The following RARB variants were observed in gnomAD, a reference collection of about 807,000 sequenced individuals.
The protein encoded by RARB is HBV-activated protein.
A neutral mutation model predicts 51.9 loss-of-function variants in RARB; 17 were observed. That is an observed-to-expected ratio of 0.33 (90% CI 0.22 to 0.49). The LOEUF (loss-of-function observed/expected upper bound fraction) is 0.49. RARB is among the 20% of genes least tolerant of loss of function. RARB has a pLI of 0.99. For synonymous variants in RARB, 215 were observed against 195.4 expected (o/e 1.10, Z -0.84); for missense variants, 369 against 550.8 (o/e 0.67, Z 3.30).
intron 5 of RARB, among the ~76,000 whole-genome samples, chr3:25,337,103 G>C (rs769028319): frequency 6.6e-6 from 1 of 152,136 alleles, no homozygotes; most frequent in African/African-American, 2.4e-5. Context: ...TGAAAAGTGA[G>C]AGATTTGAGG....
chr3:24,886,588 G>A (rs1703271046), intron 2 of RARB, among the ~76,000 whole-genome samples: 1 of 151,776 alleles, frequency 6.6e-6, no homozygotes, highest in African/African-American at 2.4e-5. Context: ...GAGACCACAA[G>A]CACATGCCAC....
chr3:25,119,523 T>C (rs746118427), intron 3 of RARB, among the ~76,000 whole-genome samples: 1 of 152,038 alleles, frequency 6.6e-6, no homozygotes, highest in African/African-American at 2.4e-5. Context: ...TGGCTGCTAT[T>C]ATGGGTCTTA....
intron 3 of RARB, among the ~76,000 whole-genome samples, chr3:25,125,399 C>A (rs980895065): frequency 1.3e-5 from 2 of 152,066 alleles, no homozygotes; most frequent in Non-Finnish European, 2.9e-5. Context: ...GAGGACCGTT[C>A]TAATGAGAAG....
rs186156900 is a variant in RARB at position 25,077,798 on chromosome 3, A to G, written c.-328+17622A>G. ...TACGGAGTGGTTTTACCATTTTACA[A>G]TACTGTCTGTGATGAATAAGAGCTT... On this transcript the variant is annotated intron_variant, in intron 3 of 11. Coordinates refer to the RARB transcript ENST00000383772. Among the ~76,000 whole-genome samples, 107 of 152,266 alleles carry G rather than the reference A, an allele frequency of 7.0e-4. 1 individual carries two copies. Among genetic ancestry groups the G allele is most frequent in the African/African-American group, 2.3e-3 (94 of 41,562 alleles).
At chr3:25,217,420 C>T (rs893358018) in intron 5 of RARB, among the ~76,000 whole-genome samples, 1 of 151,824 alleles carries the variant, frequency 6.6e-6, no homozygotes, top group Non-Finnish European at 1.5e-5. Context: ...ACATTATAGC[C>T]AATATTATGC....
At chr3:25,160,094 C>A (rs184688046) in intron 4 of RARB, among the ~76,000 whole-genome samples, 1 of 152,306 alleles carries the variant, frequency 6.6e-6, no homozygotes, top group Non-Finnish European at 1.5e-5. Context: ...TGCAAGAACC[C>A]TGTCATTCTT....
chr3:25,595,299 T>C (rs970497052), intron 7 of RARB, among the ~76,000 whole-genome samples: 1 of 140,888 alleles, frequency 7.1e-6, no homozygotes, highest in African/African-American at 3.2e-5. Context: ...AATGGGCTAT[T>C]GTCATTCTCC....
rs1701308474 is a variant in RARB at position 25,198,703 on chromosome 3, G to A, written c.178+24128G>A. Among the ~76,000 whole-genome samples, 4 of 152,162 alleles carry A rather than the reference G, an allele frequency of 2.6e-5. 1 individual carries two copies. The highest frequency in any genetic ancestry group is 2.6e-4 in the Admixed American group (4 of 15,236). On this transcript the variant is annotated intron_variant, in intron 5 of 11. Transcript: ENST00000383772. ...ATATGGAAAGGTGGCCAACCTTACTGAGCATCAGAGAAATGCAAATCAAAA... is the reference window on the plus strand; with the variant it reads ...ATATGGAAAGGTGGCCAACCTTACTAAGCATCAGAGAAATGCAAATCAAAA...
At chr3:24,983,019 T>C (rs1162708263) in intron 2 of RARB, among the ~76,000 whole-genome samples, 1 of 152,244 alleles carries the variant, frequency 6.6e-6, no homozygotes, top group African/African-American at 2.4e-5. Flanking sequence ...AAATATATAT[T>C]GACTTTTCCA....
At position 25,144,996 on chromosome 3, in the gene RARB, G is replaced by A. The variant is rs187991099; in HGVS notation, c.-280+12788G>A. Among the ~76,000 whole-genome samples the A allele has an allele frequency of 3.9e-5, 6 of 152,234 alleles. No homozygotes were observed. The East Asian group carries it at 9.6e-4, about 24-fold the overall frequency. On this transcript the variant is annotated intron_variant, in intron 4 of 11. Coordinates refer to the RARB transcript ENST00000383772. ...TGCAGATTGACTAGAGAAAGACACAGACCTGTTCTGGCTTTTGTCTTTGCA... is the reference window on the plus strand; with the variant it reads ...TGCAGATTGACTAGAGAAAGACACAAACCTGTTCTGGCTTTTGTCTTTGCA...
intron 3 of RARB, among the ~76,000 whole-genome samples, chr3:25,075,151 T>C (rs1416263335): frequency 1.3e-5 from 2 of 152,132 alleles, no homozygotes; most frequent in Non-Finnish European, 2.9e-5. Context: ...TGTGGGGGTC[T>C]TCCAGTAATT....
intron 3 of RARB, among the ~76,000 whole-genome samples, chr3:25,130,894 ATATCAATATTAT>A (rs1699935874): frequency 1.2e-4 from 5 of 42,676 alleles, no homozygotes; most frequent in Admixed American, 1.0e-3. Context: ...ATTATTGATA[ATATCAATATTAT>A]TGATAATATT....
intron 2 of RARB, among the ~76,000 whole-genome samples, chr3:25,053,031 T>C (rs1305503247): frequency 1.3e-5 from 2 of 152,132 alleles, no homozygotes; most frequent in East Asian, 3.9e-4. Context: ...TTAGTTGAGA[T>C]GTGAGTTCAG....
intron 4 of RARB, among the ~76,000 whole-genome samples, chr3:25,147,641 A>C (rs765653872): frequency 5.3e-5 from 8 of 152,208 alleles, no homozygotes; most frequent in Non-Finnish European, 1.0e-4. Context: ...AACATAAATT[A>C]TATAAGACCT....
At chr3:25,577,710 G>A (rs909565667) in intron 4 of RARB, among the ~76,000 whole-genome samples, 1 of 152,206 alleles carries the variant, frequency 6.6e-6, no homozygotes, top group African/African-American at 2.4e-5. Flanking sequence ...TGAAAGTCCT[G>A]CCAGTCCAGG....
chr3:25,059,537 T>C (rs1288356833), intron 2 of RARB, among the ~76,000 whole-genome samples: 2 of 151,848 alleles, frequency 1.3e-5, no homozygotes, highest in Non-Finnish European at 2.9e-5. Context: ...TTGTATTTCA[T>C]GTGAAATTAG....
intron 2 of RARB, among the ~76,000 whole-genome samples, chr3:25,013,278 C>G (rs1456049563): frequency 6.6e-6 from 1 of 152,094 alleles, no homozygotes; most frequent in South Asian, 2.1e-4. Flanking sequence ...ATCTCAGACC[C>G]TTATGTCAAC....
rs192471008 is a variant in RARB at position 25,497,775 on chromosome 3, G to A, written c.307-3407G>A. On this transcript the variant is annotated intron_variant, in intron 2 of 7. Transcript: ENST00000330688. ...GGGACTGAATTCATCCTCTGTACAC[G>A]CTCAACTTTTGAACCTCCTCTTCTC... Among the ~76,000 whole-genome samples the A allele has an allele frequency of 2.3e-4, 35 of 152,226 alleles. No homozygotes were observed. The East Asian group carries it at 2.5e-3, about 11-fold the overall frequency.
chr3:25,257,998 G>T (rs1202990173), intron 5 of RARB, among the ~76,000 whole-genome samples: 1 of 152,128 alleles, frequency 6.6e-6, no homozygotes, highest in Admixed American at 6.6e-5. Context: ...GACTTACGTT[G>T]TAATGATCCA....
Sources: allele counts gnomAD v4.1 joint callset (sites outside exome capture counted in the v4.1 genomes callset), GRCh38; gene constraint gnomAD v4.1.1; transcripts MANE v1.5; gene names NCBI Gene and HGNC (gene_info 2026-07-23, HGNC 2026-07-21).